Variants in WDPCP observed in about 807,000 individuals in gnomAD.
WDPCP encodes the protein WD repeat-containing and planar cell polarity effector protein fritz homolog.
A neutral mutation model predicts 93.1 loss-of-function variants in WDPCP; 71 were observed. The observed-to-expected ratio is 0.76, with a 90% CI of 0.63 to 0.93. The LOEUF is 0.93. Ranked by LOEUF, WDPCP falls within the 40% of genes least tolerant of loss-of-function variation. The probability of loss-of-function intolerance (pLI) is 0.00; values close to 1 mark genes in which losing one functional copy is unlikely to be tolerated. For missense variants in WDPCP, 844 were observed against 887.4 expected (o/e 0.95, Z 0.62); for synonymous variants, 315 against 315.0 (o/e 1.00, Z 0.00).
chr2:63,836,037 A>G, the WDPCP span, among the ~76,000 whole-genome samples: 3 of 152,172 alleles, frequency 2.0e-5, no homozygotes, highest in South Asian at 6.2e-4. Context: ...GTATTTTAGT[A>G]GAGAAGGGGG....
At chr2:63,542,087 CATAGCA>C (rs1485834129) in intron 1 of WDPCP, among the ~76,000 whole-genome samples, 1 of 152,094 alleles carries the variant, frequency 6.6e-6, no homozygotes, top group African/African-American at 2.4e-5. Flanking sequence ...TAAGTGACTG[CATAGCA>C]ATATCTTGGA....
chr2:63,533,013 A>T (rs1703982566), intron 1 of WDPCP, among the ~76,000 whole-genome samples: 1 of 152,230 alleles, frequency 6.6e-6, no homozygotes, highest in African/African-American at 2.4e-5. Context: ...GGATGGAGGA[A>T]GATCTACCAA....
intron 14 of WDPCP, among the ~76,000 whole-genome samples, chr2:63,231,445 CA>C (rs1443622953): frequency 1.3e-5 from 2 of 152,082 alleles, no homozygotes; most frequent in Non-Finnish European, 2.9e-5. Flanking sequence ...CATCTCAGCC[CA>C]AAATCTCCTT....
At chr2:63,706,610 T>C (rs1478958983) in intron 2 of WDPCP, among the ~76,000 whole-genome samples, 163 of 133,114 alleles carry the variant, frequency 1.2e-3, no homozygotes, top group Non-Finnish European at 2.1e-3. Flanking sequence ...CTTTTTTTTT[T>C]TTTTTTTTTT....
At chr2:63,380,190 A>G (rs972212600) in intron 11 of WDPCP, among the ~76,000 whole-genome samples, 7 of 152,078 alleles carry the variant, frequency 4.6e-5, no homozygotes, top group Non-Finnish European at 7.4e-5. Flanking sequence ...TAAATTGTGT[A>G]TAACATAAGC....
At chr2:63,486,192 T>C (rs1163324238) in intron 4 of WDPCP, among the ~76,000 whole-genome samples, 4 of 151,892 alleles carry the variant, frequency 2.6e-5, no homozygotes, top group Admixed American at 2.6e-4. Context: ...AATACTATTT[T>C]CTTAAAAATG....
chr2:63,702,841 G>A (rs1166328266), intron 2 of WDPCP, among the ~76,000 whole-genome samples: 1 of 151,380 alleles, frequency 6.6e-6, no homozygotes, highest in East Asian at 1.9e-4. Flanking sequence ...ATTTAGCATT[G>A]GGTATATCTC....
chr2:63,727,254 A>G (rs1010708520), intron 2 of WDPCP, among the ~76,000 whole-genome samples: 2 of 152,154 alleles, frequency 1.3e-5, no homozygotes, highest in African/African-American at 4.8e-5. Flanking sequence ...TTTTAACATA[A>G]AGGAATGTTG....
intron 2 of WDPCP, among the ~76,000 whole-genome samples, chr2:63,720,512 T>C (rs1384504956): frequency 6.6e-6 from 1 of 152,172 alleles, no homozygotes; most frequent in African/African-American, 2.4e-5. Context: ...TTAGCTAGTT[T>C]TGTAGCATGA....
intron 1 of WDPCP, among the ~76,000 whole-genome samples, chr2:63,506,253 A>G (rs6546008): frequency 0.97 from 148,119 of 152,034 alleles, 72,173 homozygotes; most frequent in East Asian, 1. Flanking sequence ...TACAACCAAT[A>G]GTAGATTAGA....
At chr2:63,208,145 A>G (rs1332449803) in intron 14 of WDPCP, among the ~76,000 whole-genome samples, 2 of 152,116 alleles carry the variant, frequency 1.3e-5, no homozygotes, top group Non-Finnish European at 2.9e-5. Flanking sequence ...AGATTATTTT[A>G]AAATATTGGG....
At chr2:63,819,095 A>T (rs1670981381) in intron 1 of WDPCP, among the ~76,000 whole-genome samples, 1 of 152,200 alleles carries the variant, frequency 6.6e-6, no homozygotes, top group Non-Finnish European at 1.5e-5. Context: ...TTTAAAAAAG[A>T]TTGTACAGAA....
intron 6 of WDPCP, among the ~76,000 whole-genome samples, chr2:63,478,844 A>C (rs1168815485): frequency 6.6e-6 from 1 of 152,020 alleles, no homozygotes; most frequent in African/African-American, 2.4e-5. Flanking sequence ...AACTACATGA[A>C]ACTGAAACAA....
At chr2:63,633,932 C>T (rs1709890947) in intron 3 of WDPCP, among the ~76,000 whole-genome samples, 1 of 152,034 alleles carries the variant, frequency 6.6e-6, no homozygotes, top group Non-Finnish European at 1.5e-5. Flanking sequence ...TATGGTGGTG[C>T]ATGCCTGTAA....
intron 14 of WDPCP, among the ~76,000 whole-genome samples, chr2:63,193,938 C>A (rs866044760): frequency 2.0e-5 from 3 of 152,030 alleles, no homozygotes; most frequent in Non-Finnish European, 4.4e-5. Flanking sequence ...CATGAGCTTG[C>A]TGATTTATTT....
intron 1 of WDPCP, among the ~76,000 whole-genome samples, chr2:63,555,781 A>G (rs2106382112): frequency 6.6e-6 from 1 of 152,320 alleles, no homozygotes; most frequent in South Asian, 2.1e-4. Flanking sequence ...GTTAAAAGAA[A>G]AACAAACAGA....
In WDPCP at chr2:63,698,501, G is replaced by A. The variant is rs938983265; in HGVS notation, n.309-47663C>T. ...ATGTTAGAATGTTGAAGCTGGCAGG[G>A]ACCTGGAGCCTCTAGAATCTAATCC... is the stretch of plus-strand genomic sequence containing the variant. On this transcript the variant is annotated intron_variant and non_coding_transcript_variant, in intron 2 of 4. Transcript: ENST00000467687. 2.0e-5 allele frequency among the ~76,000 whole-genome samples: 3 copies of A among 152,302 alleles called. No homozygotes were observed. In the South Asian group the frequency reaches 6.2e-4, roughly 32 times the overall value.
chr2:63,142,358 AATT>A (rs1054973942), intron 17 of WDPCP, among the ~76,000 whole-genome samples: 38 of 152,236 alleles, frequency 2.5e-4, no homozygotes, highest in African/African-American at 8.9e-4. Flanking sequence ...CAGTTCAAAT[AATT>A]TTTTAATTTC....
At chr2:63,547,156 A>G (rs752882557) in intron 1 of WDPCP, among the ~76,000 whole-genome samples, 1 of 152,186 alleles carries the variant, frequency 6.6e-6, no homozygotes, top group Non-Finnish European at 1.5e-5. Context: ...AAAAATGCTC[A>G]ACATCACTAA....
Sources: allele counts gnomAD v4.1 joint callset (sites outside exome capture counted in the v4.1 genomes callset), GRCh38; gene constraint gnomAD v4.1.1; transcripts MANE v1.5; gene names NCBI Gene and HGNC (gene_info 2026-07-23, HGNC 2026-07-21).